The following ZCCHC4 variants were observed in gnomAD, a reference collection of about 807,000 sequenced individuals.
ZCCHC4 encodes rRNA N(6)-adenosine-methyltransferase ZCCHC4.
ZCCHC4 carries 54 observed loss-of-function variants against 67.7 expected under a neutral mutation model. The observed-to-expected ratio is 0.80, with a 90% CI of 0.64 to 1.00. ZCCHC4 has a LOEUF of 1.00. Among genes scored for constraint, ZCCHC4 ranks in the 50% least tolerant of loss-of-function variants. ZCCHC4 has a pLI of 0.00. For missense variants in ZCCHC4, 609 were observed against 617.0 expected (o/e 0.99, Z 0.14); for synonymous variants, 198 against 213.5 (o/e 0.93, Z 0.63).
At chr4:25,333,866 T>C (rs1441564101) in intron 4 of ZCCHC4, 42 bp from the exon 5 acceptor site, 1 of 1,306,644 alleles carries the variant, frequency 7.7e-7, no homozygotes, top group South Asian at 1.4e-5. Context: ...GTCTATGACA[T>C]TTGTAATATC....
chr4:25,346,451 T>G (rs1202504741), intron 6 of ZCCHC4, among the ~76,000 whole-genome samples: 1 of 152,190 alleles, frequency 6.6e-6, no homozygotes, highest in Non-Finnish European at 1.5e-5. Context: ...CATAAATATA[T>G]GCATATATAT....
At chr4:25,354,582 T>G (rs765036098) in intron 8 of ZCCHC4, among the ~76,000 whole-genome samples, 14 of 152,218 alleles carry the variant, frequency 9.2e-5, no homozygotes, top group Non-Finnish European at 1.6e-4. Context: ...ATTTTTCTAT[T>G]TTTTGAAAAT....
chr4:25,364,459 C>A lies in ZCCHC4; in HGVS notation c.1215C>A (p.Gly405=). 1.3e-6 allele frequency: 2 copies of A among 1,492,452 alleles called. No individual in the cohort carries two copies. The highest frequency in any genetic ancestry group is 1.5e-5 in the South Asian group (1 of 64,680). The allele number at this position is 1,492,452 out of a possible 1,614,324, so 92.5% of individuals were successfully genotyped here. Residue 405 remains glycine, a synonymous_variant, in exon 11 of 13, where the codon GGC becomes GGA. Transcript: ENST00000302874. ...ELCNSCTSKD[G]RKWNHCFLCK... Reference sequence around the variant, plus strand: ...ATTGTTTTTTTTTTTGGTAGGATGGCAGGAAATGGAACCATTGCTTTCTCT... The same window carrying A: ...ATTGTTTTTTTTTTTGGTAGGATGGAAGGAAATGGAACCATTGCTTTCTCT...
chr4:25,330,970 G>A (rs1219565891), intron 3 of ZCCHC4, among the ~76,000 whole-genome samples: 1 of 152,142 alleles, frequency 6.6e-6, no homozygotes, highest in Admixed American at 6.5e-5. Context: ...TCAGTGTACA[G>A]CTTTCTGCTC....
intron 6 of ZCCHC4, 33 bp from the exon 7 acceptor site, chr4:25,349,459 C>T (rs1450456898): frequency 1.2e-6 from 2 of 1,608,034 alleles, no homozygotes; most frequent in East Asian, 2.2e-5. Flanking sequence ...TCTCTCTAGT[C>T]CTAATTTAGA....
At position 25,315,929 on chromosome 4, in the gene ZCCHC4, T is replaced by C. The variant is rs114808380; in HGVS notation, c.329+529T>C. 9.1e-3 allele frequency among the ~76,000 whole-genome samples: 1,384 copies of C among 152,180 alleles called. 13 individuals carry two copies. The highest frequency in any genetic ancestry group is 0.031 in the African/African-American group (1,305 of 41,526). ...AAGGTCTTGCTATGTTGCCCAGAAC[T>C]CCTGGTCTAGAACTACTGGGCTCAA... On this transcript the variant is annotated intron_variant, in intron 3 of 12. Transcript: ENST00000302874.
At chr4:25,365,525 T>C in intron 12 of ZCCHC4, 1 of 998,962 alleles carries the variant, frequency 1.0e-6, no homozygotes, top group Non-Finnish European at 1.2e-6. Flanking sequence ...AGATCAGATA[T>C]AGACACATGA....
intron 3 of ZCCHC4, among the ~76,000 whole-genome samples, chr4:25,330,431 G>A (rs1342329533): frequency 6.6e-6 from 1 of 151,960 alleles, no homozygotes; most frequent in African/African-American, 2.4e-5. Context: ...TTTTGATTTT[G>A]TTCTGGGACA....
intron 1 of ZCCHC4, 77 bp downstream of exon 1, chr4:25,313,013 C>G (rs1311922604): frequency 1.9e-6 from 3 of 1,559,884 alleles, no homozygotes; most frequent in Non-Finnish European, 2.6e-6. Flanking sequence ...TTTTGGGGCT[C>G]CTGTATTTTT....
intron 12 of ZCCHC4, chr4:25,366,362 C>G (rs1577356181): frequency 1.4e-6 from 1 of 719,462 alleles, no homozygotes; most frequent in East Asian, 1.4e-4. Flanking sequence ...GTCGCCCAGG[C>G]TGGAGTGCAG....
At chr4:25,365,589 G>A in intron 12 of ZCCHC4, 1 of 986,916 alleles carries the variant, frequency 1.0e-6, no homozygotes, top group Non-Finnish European at 1.2e-6. Flanking sequence ...TAATTCCACA[G>A]TAGGAAAATT....
In ZCCHC4 at chr4:25,344,014, T is replaced by C. The variant is rs560932754; in HGVS notation, c.687-1534T>C. ...TGAGATAACAAAAAGGTTTCTATAT[T>C]ATATGGAAAACTGAGAAATCAGCAA... On this transcript the variant is annotated intron_variant, in intron 5 of 12. Transcript: ENST00000302874. 2.0e-5 allele frequency among the ~76,000 whole-genome samples: 3 copies of C among 152,250 alleles called. No homozygotes were observed. In the East Asian group the frequency reaches 5.8e-4, roughly 29 times the overall value.
intron 3 of ZCCHC4, among the ~76,000 whole-genome samples, chr4:25,319,310 G>T (rs535985627): frequency 1.1e-3 from 167 of 152,170 alleles, no homozygotes; most frequent in African/African-American, 3.9e-3. Context: ...GCGTGAACCT[G>T]GGAGGCAGAG....
At chr4:25,354,770 T>C (rs1287092251) in intron 8 of ZCCHC4, among the ~76,000 whole-genome samples, 1 of 152,118 alleles carries the variant, frequency 6.6e-6, no homozygotes, top group Non-Finnish European at 1.5e-5. Flanking sequence ...AGTGCTGAGA[T>C]TACAGGTGTG....
chr4:25,329,459 C>T (rs1202982568), intron 3 of ZCCHC4, among the ~76,000 whole-genome samples: 1 of 151,358 alleles, frequency 6.6e-6, no homozygotes, highest in Non-Finnish European at 1.5e-5. Context: ...ACTGTTATTC[C>T]CATGTAAGGT....
At position 25,359,752 on chromosome 4, in the gene ZCCHC4, G is replaced by T. The variant is rs1385922521; in HGVS notation, c.1012-2107G>T. Among the ~76,000 whole-genome samples, 2 of 152,218 alleles carry T rather than the reference G, an allele frequency of 1.3e-5. No individual in the cohort carries two copies. Among genetic ancestry groups the T allele is most frequent in the Non-Finnish European group, 2.9e-5 (2 of 68,046 alleles). ...TCCAGAAAATACCCAAGCAGGAGAAGAATGTTTCTGCGCGACCTGGTCCCA... is the reference window on the plus strand; with the variant it reads ...TCCAGAAAATACCCAAGCAGGAGAATAATGTTTCTGCGCGACCTGGTCCCA... On this transcript the variant is annotated intron_variant, in intron 8 of 12. Coordinates refer to ENST00000302874, the MANE Select transcript of ZCCHC4 (RefSeq NM_024936.3). This position sits in a 1 kb window ranked among gnomAD's most constrained non-coding sequence, Gnocchi z 4.9.
intron 1 of ZCCHC4, among the ~76,000 whole-genome samples, chr4:25,313,458 T>C (rs1718062835): frequency 1.3e-5 from 2 of 152,208 alleles, no homozygotes; most frequent in Non-Finnish European, 2.9e-5. Context: ...AGGTTTGTAA[T>C]ATTCACAACG....
chr4:25,327,296 G>T (rs1457700780), intron 3 of ZCCHC4, among the ~76,000 whole-genome samples: 1 of 152,172 alleles, frequency 6.6e-6, no homozygotes, highest in Non-Finnish European at 1.5e-5. Flanking sequence ...TCTTTCAGCT[G>T]TATGGTGTTA....
intron 3 of ZCCHC4, among the ~76,000 whole-genome samples, chr4:25,322,282 G>C (rs181971504): frequency 1.0e-3 from 157 of 152,110 alleles, no homozygotes; most frequent in Non-Finnish European, 1.3e-3. Flanking sequence ...TCTATTTCCA[G>C]AACATTTTCA....
Sources: gnomAD v4.1 joint callset for allele counts (sites outside exome capture counted in the v4.1 genomes callset) on GRCh38, gnomAD v4.1.1 for gene constraint, Gnocchi (gnomAD v3.1) non-coding constraint, MANE v1.5 for transcripts, NCBI Gene and HGNC (gene_info 2026-07-23, HGNC 2026-07-21) for gene names.